The following LIPI variants were observed in gnomAD, a reference collection of about 807,000 sequenced individuals.
LIPI encodes the protein lipase I.
A neutral mutation model predicts 50.6 loss-of-function variants in LIPI; 59 were observed. The observed-to-expected ratio is 1.16, with a 90% CI of 0.94 to 1.45. The LOEUF (loss-of-function observed/expected upper bound fraction) is 1.45. Among genes scored for constraint, LIPI ranks in the 40% most tolerant of loss-of-function variants. The pLI, the probability that LIPI is intolerant of heterozygous loss-of-function variation, is 0.00. For synonymous variants in LIPI, 203 were observed against 178.2 expected (o/e 1.14, Z -1.11); for missense variants, 586 against 536.3 (o/e 1.09, Z -0.92).
At chr21:14,135,752 G>T (rs1434602885) in intron 9 of LIPI, among the ~76,000 whole-genome samples, 2 of 152,126 alleles carry the variant, frequency 1.3e-5, no homozygotes, top group African/African-American at 4.8e-5. Context: ...CAACTTGTAG[G>T]TGAGTCCTAG....
intron 9 of LIPI, among the ~76,000 whole-genome samples, chr21:14,118,305 A>C (rs958982917): frequency 6.6e-6 from 1 of 152,174 alleles, no homozygotes; most frequent in African/African-American, 2.4e-5. Flanking sequence ...TATGGTAGAC[A>C]CAGGTGCTGA....
chr21:14,184,523 GA>G (rs2019387521), intron 3 of LIPI, among the ~76,000 whole-genome samples: 1 of 151,700 alleles, frequency 6.6e-6, no homozygotes, highest in East Asian at 1.9e-4. Context: ...AAAATTCCTA[GA>G]AAAAAAGTAA....
intron 4 of LIPI, among the ~76,000 whole-genome samples, chr21:14,178,652 C>CT (rs1255300566): frequency 1.3e-5 from 2 of 152,136 alleles, no homozygotes; most frequent in Non-Finnish European, 2.9e-5. Flanking sequence ...TTTGCACCAA[C>CT]TTAATAATAA....
At chr21:14,184,831 C>T (rs1228007330) in intron 3 of LIPI, among the ~76,000 whole-genome samples, 4 of 152,196 alleles carry the variant, frequency 2.6e-5, no homozygotes, top group African/African-American at 7.2e-5. Context: ...TTTCTTGACC[C>T]TCCTACATTC....
At position 14,136,530 on chromosome 21, in the gene LIPI, A is replaced by T. The variant is rs150531253; in HGVS notation, c.1295+8093T>A. On this transcript the variant is annotated intron_variant, in intron 9 of 9. Coordinates refer to ENST00000681601, the MANE Select transcript of LIPI (RefSeq NM_001302998.2). ...GGGAATGACTGTGTCTTGTAATTTG[A>T]GTGCCAGCTCAACTGCAATATAGTA... is the stretch of plus-strand genomic sequence containing the variant. Among the ~76,000 whole-genome samples, 720 of 152,278 alleles carry T rather than the reference A, an allele frequency of 4.7e-3. 6 individuals are homozygous for T. Among genetic ancestry groups the T allele is most frequent in the African/African-American group, 0.016 (684 of 41,556 alleles).
Position 14,166,463 on chromosome 21 carries a change from G to A in LIPI, c.644-12C>T. On this transcript the variant is annotated splice_polypyrimidine_tract_variant and intron_variant, in intron 4 of 9. Coordinates refer to ENST00000681601, the MANE Select transcript of LIPI (RefSeq NM_001302998.2). Reference sequence around the variant, plus strand: ...TTGAATGCCTAAACCTGAGAAGAAAGGCACCCAAGAATCACAACATGTATA... The same window carrying A: ...TTGAATGCCTAAACCTGAGAAGAAAAGCACCCAAGAATCACAACATGTATA... 1.4e-6 allele frequency: 2 copies of A among 1,443,562 alleles called. No individual in the cohort carries two copies. Among genetic ancestry groups the A allele is most frequent in the Non-Finnish European group, 9.8e-7 (1 of 1,024,926 alleles). The allele number at this position is 1,443,562 out of a possible 1,614,324, so 89.4% of individuals were successfully genotyped here. A position where few individuals can be genotyped will look rare whatever the true frequency, so the allele number is the denominator to read the frequency against.
chr21:14,181,664 A>G (rs2123242914), intron 4 of LIPI, 94 bp downstream of exon 4: 10 of 712,624 alleles, frequency 1.4e-5, no homozygotes, highest in South Asian at 1.3e-4. Flanking sequence ...CATTTTATCC[A>G]TGATGTTTTT....
At chr21:14,148,708 G>A (rs912546276) in intron 8 of LIPI, among the ~76,000 whole-genome samples, 8 of 152,152 alleles carry the variant, frequency 5.3e-5, no homozygotes, top group Non-Finnish European at 1.2e-4. Flanking sequence ...TAATGTCCAA[G>A]CAATGACAGA....
chr21:14,120,650 A>T (rs996582803), intron 9 of LIPI, among the ~76,000 whole-genome samples: 2 of 152,320 alleles, frequency 1.3e-5, no homozygotes, highest in Non-Finnish European at 1.5e-5. Flanking sequence ...TTATGCCCTC[A>T]TTAGAGCCTC....
intron 1 of LIPI, among the ~76,000 whole-genome samples, chr21:14,196,155 TA>T (rs545007066): frequency 2.4e-4 from 18 of 74,702 alleles, no homozygotes; most frequent in Non-Finnish European, 4.2e-4. Flanking sequence ...CACCAAATTG[TA>T]AAAAAAAAAA....
At chr21:14,173,560 C>G (rs1480351164) in intron 4 of LIPI, among the ~76,000 whole-genome samples, 1 of 152,154 alleles carries the variant, frequency 6.6e-6, no homozygotes, top group African/African-American at 2.4e-5. Context: ...AATAAGATAA[C>G]AATGCTTTAA....
At chr21:14,144,473 T>G (rs2017827985) in intron 9 of LIPI, 150 bp downstream of exon 9, 1 of 476,328 alleles carries the variant, frequency 2.1e-6, no homozygotes, top group Non-Finnish European at 3.8e-6. Context: ...CCTTTATACC[T>G]TTTTGAGATT....
chr21:14,133,012 CACA>C (rs201205095), intron 9 of LIPI, among the ~76,000 whole-genome samples: 4,118 of 151,918 alleles, frequency 0.027, 175 homozygotes, highest in African/African-American at 0.09. Context: ...AATAAAATCT[CACA>C]ACAACAACAA....
chr21:14,168,116 T>C (rs1038966119), intron 4 of LIPI, among the ~76,000 whole-genome samples: 1 of 151,768 alleles, frequency 6.6e-6, no homozygotes, highest in Non-Finnish European at 1.5e-5. Flanking sequence ...AGGGTATCAG[T>C]GATGGAAGAT....
At position 14,117,336 on chromosome 21, in the gene LIPI, C is replaced by A. The variant is rs538088355; in HGVS notation, c.1296-8256G>T. Among the ~76,000 whole-genome samples the A allele has an allele frequency of 2.0e-5, 3 of 151,988 alleles. No individual in the cohort carries two copies. In the East Asian group the frequency reaches 5.8e-4, roughly 29 times the overall value. Reference sequence around the variant, plus strand: ...TCACAGCCCAACCTGGGCTGACCTGCAAGCAGCTCCTTCTGTCACTGTTCA... The same window carrying A: ...TCACAGCCCAACCTGGGCTGACCTGAAAGCAGCTCCTTCTGTCACTGTTCA... On this transcript the variant is annotated intron_variant, in intron 9 of 9. Coordinates refer to ENST00000681601, the MANE Select transcript of LIPI (RefSeq NM_001302998.2).
chr21:14,206,839 G>T, intron 1 of LIPI: 1 of 1,609,692 alleles, frequency 6.2e-7, no homozygotes, highest in Non-Finnish European at 8.5e-7. Flanking sequence ...ACAACTAGAA[G>T]CCACAGGACA....
At chr21:14,168,139 T>C (rs1475750972) in intron 4 of LIPI, among the ~76,000 whole-genome samples, 1 of 151,782 alleles carries the variant, frequency 6.6e-6, no homozygotes, top group African/African-American at 2.4e-5. Flanking sequence ...AATGAATGAA[T>C]GAAGCAAGAA....
At chr21:14,167,297 C>T (rs950535889) in intron 4 of LIPI, among the ~76,000 whole-genome samples, 4 of 152,164 alleles carry the variant, frequency 2.6e-5, no homozygotes, top group African/African-American at 9.7e-5. Context: ...CACAGACAAA[C>T]AAAAAGACAG....
At chr21:14,134,975 GA>G (rs2017436995) in intron 9 of LIPI, among the ~76,000 whole-genome samples, 1 of 151,972 alleles carries the variant, frequency 6.6e-6, no homozygotes, top group South Asian at 2.1e-4. Flanking sequence ...ACACAAAAAA[GA>G]AACAATCAAC....
Sources: gnomAD v4.1 joint callset for allele counts (sites outside exome capture counted in the v4.1 genomes callset) on GRCh38, gnomAD v4.1.1 for gene constraint, MANE v1.5 for transcripts, NCBI Gene and HGNC (gene_info 2026-07-23, HGNC 2026-07-21) for gene names.